ZNF521: variants seen among roughly 807,000 people sequenced by gnomAD.
ZNF521 encodes LYST-interacting protein 3.
Under a neutral mutation model 105.5 loss-of-function variants are expected in ZNF521, and 14 were observed. That is an observed-to-expected ratio of 0.13 (90% CI 0.09 to 0.21). ZNF521 has a LOEUF of 0.21. Among genes scored for constraint, ZNF521 ranks in the 10% least tolerant of loss-of-function variants. The pLI, the probability that ZNF521 is intolerant of heterozygous loss-of-function variation, is 1.00. For synonymous variants in ZNF521, 635 were observed against 606.0 expected (o/e 1.05, Z -0.70); for missense variants, 1,233 against 1,629.7 (o/e 0.76, Z 4.19).
At chr18:25,173,696 G>C (rs1489391602) in intron 5 of ZNF521, among the ~76,000 whole-genome samples, 1 of 151,976 alleles carries the variant, frequency 6.6e-6, no homozygotes, top group Non-Finnish European at 1.5e-5. Flanking sequence ...AAGCAGAATG[G>C]GAAAAATATA....
intron 5 of ZNF521, among the ~76,000 whole-genome samples, chr18:25,142,762 A>ATT (rs33962495): frequency 5.9e-5 from 9 of 151,736 alleles, no homozygotes; most frequent in Admixed American, 2.0e-4. Flanking sequence ...TTTGTAAGTT[A>ATT]TTTTTTGCAT....
chr18:25,326,473 T>C (rs958728622), intron 2 of ZNF521, among the ~76,000 whole-genome samples: 3 of 152,240 alleles, frequency 2.0e-5, no homozygotes, highest in Admixed American at 2.0e-4. Context: ...CTCCCAATAG[T>C]GTCCATCGCA....
intron 6 of ZNF521, among the ~76,000 whole-genome samples, chr18:25,090,736 CTATTT>C (rs1416091293): frequency 1.3e-5 from 2 of 152,118 alleles, no homozygotes; most frequent in African/African-American, 4.8e-5. Context: ...CATGAAAGAC[CTATTT>C]TATTAGGGGT....
chr18:25,226,718 T>G lies in ZNF521; in HGVS notation c.1200A>C (p.Gln400His). 1 of 1,614,176 alleles carries G rather than the reference T, an allele frequency of 6.2e-7. No individual in the cohort carries two copies. Among genetic ancestry groups the G allele is most frequent in the Non-Finnish European group, 8.5e-7 (1 of 1,180,022 alleles). ...AAATACAGCTGTAGGTAACTTTTGC[T>G]TGTTTACTCGAGGGACCAGTCATGT... ...TPDMTGPSSK[Q>H]AKVTYSCIYC... is the part of the protein sequence containing the mutation. Residue 400 changes from glutamine (Q) to histidine (H), a missense_variant, in exon 4 of 8, where the codon CAA becomes CAC. Physicochemically the swap from Gln to His is conservative, Grantham distance 24. This residue lies in a region of ZNF521 where 380 missense variants were observed against 478.0 expected (regional missense o/e 0.80). Coordinates refer to ENST00000361524, the MANE Select transcript of ZNF521 (RefSeq NM_015461.3). The surrounding 1 kb of genome is among the most constrained non-coding windows in gnomAD (Gnocchi z 4.1).
In ZNF521 at chr18:25,227,081, C is replaced by T. The variant is rs144835436; in HGVS notation, c.837G>A (p.Ala279=). The T allele has an allele frequency of 8.1e-5, 131 of 1,614,098 alleles. No individual in the cohort carries two copies. The African/African-American group carries it at 1.4e-3, about 17-fold the overall frequency. Residue 279 remains alanine (A), a synonymous_variant, in exon 4 of 8, where the codon GCG becomes GCA. Transcript: ENST00000361524. This position sits in a 1 kb window ranked among gnomAD's most constrained non-coding sequence, Gnocchi z 5.7. ...CGTGGCAGTAGACACACTGGAGGGC[C>T]GCTCGGTCCTCATTTGGGGAGCATT... The part of the protein sequence containing the change: ...HPECSPNEDR[A]ALQCVYCHEL...
chr18:25,228,759 T>C (rs1025919502), intron 3 of ZNF521, among the ~76,000 whole-genome samples: 4 of 152,248 alleles, frequency 2.6e-5, no homozygotes, highest in African/African-American at 4.8e-5. Flanking sequence ...TACCTTATAT[T>C]AGGTGATTTT....
intron 2 of ZNF521, among the ~76,000 whole-genome samples, chr18:25,347,940 A>T (rs545431444): frequency 1.8e-4 from 27 of 152,358 alleles, no homozygotes; most frequent in Non-Finnish European, 3.4e-4. Flanking sequence ...AATTCAGTGC[A>T]GAACTTCATG....
At chr18:25,140,762 T>G (rs2034831672) in intron 5 of ZNF521, among the ~76,000 whole-genome samples, 1 of 152,196 alleles carries the variant, frequency 6.6e-6, no homozygotes, top group Non-Finnish European at 1.5e-5. Flanking sequence ...GTATTGGTCC[T>G]GTTACATTCC....
At chr18:25,279,241 T>C (rs1046021018) in intron 3 of ZNF521, among the ~76,000 whole-genome samples, 2 of 152,174 alleles carry the variant, frequency 1.3e-5, no homozygotes, top group Non-Finnish European at 2.9e-5. Context: ...TGGAATTAAT[T>C]TGGACACTCA....
chr18:25,338,465 T>A (rs1004660246), intron 2 of ZNF521, among the ~76,000 whole-genome samples: 3 of 151,974 alleles, frequency 2.0e-5, no homozygotes, highest in African/African-American at 7.3e-5. Flanking sequence ...CAGGTTGGAG[T>A]GCAGTGGCGT....
At chr18:25,194,039 A>G (rs1323593961) in intron 5 of ZNF521, among the ~76,000 whole-genome samples, 1 of 151,796 alleles carries the variant, frequency 6.6e-6, no homozygotes, top group Non-Finnish European at 1.5e-5. Flanking sequence ...AAGTTTTGTT[A>G]TAGCTTTAAT....
At chr18:25,065,768 G>C (rs1266289091) in intron 7 of ZNF521, among the ~76,000 whole-genome samples, 1 of 152,088 alleles carries the variant, frequency 6.6e-6, no homozygotes, top group Non-Finnish European at 1.5e-5. Context: ...TTTTATATGT[G>C]CTCATATCAA....
intron 5 of ZNF521, among the ~76,000 whole-genome samples, chr18:25,127,602 A>G (rs2034561549): frequency 6.6e-6 from 1 of 152,078 alleles, no homozygotes; most frequent in African/African-American, 2.4e-5. Context: ...TTTGGAAAGG[A>G]GCCAACAAAT....
chr18:25,084,260 A>G (rs1330111797), intron 7 of ZNF521, among the ~76,000 whole-genome samples: 1 of 151,154 alleles, frequency 6.6e-6, no homozygotes, highest in African/African-American at 2.4e-5. Flanking sequence ...GTTTAGGACC[A>G]GTAGCTAAGT....
At chr18:25,334,458 G>A (rs916680302) in intron 2 of ZNF521, among the ~76,000 whole-genome samples, 2 of 152,138 alleles carry the variant, frequency 1.3e-5, no homozygotes, top group Admixed American at 6.5e-5. Context: ...CCCAGTGTAT[G>A]TGACTCAGTT....
At chr18:25,101,970 T>G (rs1212446639) in intron 5 of ZNF521, among the ~76,000 whole-genome samples, 3 of 152,146 alleles carry the variant, frequency 2.0e-5, no homozygotes, top group African/African-American at 7.2e-5. Context: ...CTATAAGGTG[T>G]CAAAATATAT....
intron 3 of ZNF521, among the ~76,000 whole-genome samples, chr18:25,306,865 AAAG>A (rs1476152809): frequency 1.3e-5 from 2 of 151,718 alleles, no homozygotes; most frequent in Non-Finnish European, 2.9e-5. Context: ...AAAAAAAAAA[AAAG>A]TATGTAAGTG....
chr18:25,157,792 C>T (rs187754534), intron 5 of ZNF521, among the ~76,000 whole-genome samples: 2 of 151,906 alleles, frequency 1.3e-5, no homozygotes, highest in East Asian at 3.9e-4. Flanking sequence ...GCACTGTCAT[C>T]CAGGCTGGAG....
chr18:25,171,653 T>C (rs1027044833), intron 5 of ZNF521, among the ~76,000 whole-genome samples: 1 of 152,144 alleles, frequency 6.6e-6, no homozygotes, highest in Non-Finnish European at 1.5e-5. Context: ...TGAAATCCAA[T>C]ACACAATATA....
Sources: gnomAD v4.1 joint callset for allele counts (sites outside exome capture counted in the v4.1 genomes callset) on GRCh38, gnomAD v4.1.1 for gene constraint, gnomAD v4.1.1 regional missense constraint, Gnocchi (gnomAD v3.1) non-coding constraint, MANE v1.5 for transcripts, NCBI Gene and HGNC (gene_info 2026-07-23, HGNC 2026-07-21) for gene names.